The following ZNF566 variants were observed in gnomAD, a reference collection of about 807,000 sequenced individuals.
ZNF566 encodes zinc finger protein 566.
In ZNF566, 27 loss-of-function variants were observed where a neutral mutation model predicts 32.8. The ratio of observed to expected loss-of-function variants is 0.82; its 90% CI spans 0.61 to 1.14. ZNF566 has a LOEUF of 1.14. Ranked by LOEUF, ZNF566 falls within the 50% of genes most tolerant of loss-of-function variation. The pLI, the probability that ZNF566 is intolerant of heterozygous loss-of-function variation, is 0.00. For missense variants in ZNF566, 402 were observed against 490.4 expected (o/e 0.82, Z 1.70); for synonymous variants, 154 against 159.5 (o/e 0.97, Z 0.26).
rs750272831 is a variant in ZNF566 at position 36,449,306 on chromosome 19, GT to G, written c.927del (p.Lys309AsnfsTer139). The G allele has an allele frequency of 1.9e-5, 30 of 1,614,036 alleles. No individual in the cohort carries two copies. Among genetic ancestry groups the G allele is most frequent in the Non-Finnish European group, 2.2e-5 (26 of 1,180,022 alleles). ...TQHQRIHTGE[K>X]PYECKECGNA... is the part of the protein sequence containing the mutation. The stretch of plus-strand genomic sequence containing the variant: ...TTGCCACATTCCTTACATTCATAGG[GT>G]TTTTCCCCAGTATGAATTCTCTGAT... On this transcript the variant is annotated frameshift_variant, in exon 5 of 5. Transcript: ENST00000452939. LOFTEE classifies it high-confidence loss of function.
intron 1 of ZNF566, among the ~76,000 whole-genome samples, chr19:36,478,418 T>C (rs1251953015): frequency 6.6e-6 from 1 of 152,104 alleles, no homozygotes; most frequent in Non-Finnish European, 1.5e-5. Context: ...CCTCCTGGCC[T>C]TCCTCTGGTT....
intron 4 of ZNF566, among the ~76,000 whole-genome samples, chr19:36,467,884 T>C (rs1218255080): frequency 2.0e-5 from 3 of 149,582 alleles, no homozygotes; most frequent in Non-Finnish European, 4.4e-5. Flanking sequence ...CACTCACTAA[T>C]TGATAAAAAT....
intron 1 of ZNF566, among the ~76,000 whole-genome samples, chr19:36,482,205 AC>A (rs1391290906): frequency 1.3e-5 from 2 of 152,140 alleles, no homozygotes; most frequent in African/African-American, 4.8e-5. Flanking sequence ...TCCCAGGTTC[AC>A]GCCATTCTCC....
intron 4 of ZNF566, among the ~76,000 whole-genome samples, chr19:36,464,018 A>C (rs1236015598): frequency 6.6e-6 from 1 of 151,958 alleles, no homozygotes; most frequent in African/African-American, 2.4e-5. Context: ...GAGCCACCAC[A>C]CCCGGCCAAA....
intron 4 of ZNF566, among the ~76,000 whole-genome samples, chr19:36,457,219 C>T (rs1436978905): frequency 4.6e-5 from 7 of 152,128 alleles, no homozygotes; most frequent in Non-Finnish European, 1.0e-4. Flanking sequence ...AAATTGAATT[C>T]CTATTGCATA....
At chr19:36,489,446 C>T in intron 1 of ZNF566, 40 bp downstream of exon 1, 1 of 301,220 alleles carries the variant, frequency 3.3e-6, no homozygotes, top group African/African-American at 2.2e-5. Flanking sequence ...GCTTGGCCCC[C>T]GGCCCCGCCC....
At chr19:36,476,748 C>T in intron 1 of ZNF566, 132 bp from the exon 2 acceptor site, 1 of 662,848 alleles carries the variant, frequency 1.5e-6, no homozygotes, top group Non-Finnish European at 2.5e-6. Flanking sequence ...GCAAATGTCT[C>T]TATCATCCCT....
rs1309855903 is a variant in ZNF566, at chr19:36,449,685, G to A, written c.549C>T (p.Gly183=). 1 of 1,614,062 alleles carries A rather than the reference G, an allele frequency of 6.2e-7. No individual in the cohort carries two copies. Among genetic ancestry groups the A allele is most frequent in the Non-Finnish European group, 8.5e-7 (1 of 1,180,006 alleles). The part of the protein sequence containing the change: ...SKEYRKTFRH[G]SQFATHEIIH... ...TTATCTCATGTGTAGCAAACTGTGA[G>A]CCATGTCTAAAGGTTTTCCTATATT... The change falls in exon 5 of 5, where the codon GGC becomes GGT. Residue 183 remains glycine (G), a synonymous_variant. Coordinates refer to ENST00000452939, the MANE Select transcript of ZNF566 (RefSeq NM_001145344.1).
intron 4 of ZNF566, among the ~76,000 whole-genome samples, chr19:36,458,018 A>G (rs556733274): frequency 2.0e-5 from 3 of 152,350 alleles, no homozygotes; most frequent in African/African-American, 4.8e-5. Context: ...TGTTGGTGGC[A>G]TAAATTGAAA....
At chr19:36,453,513 T>C (rs7248252) in intron 4 of ZNF566, among the ~76,000 whole-genome samples, 1 of 98,058 alleles carries the variant, frequency 1.0e-5, no homozygotes, top group Non-Finnish European at 2.2e-5. Context: ...ATAAATTAAT[T>C]AATTAAAATA....
At chr19:36,457,394 G>C (rs2033343586) in intron 4 of ZNF566, among the ~76,000 whole-genome samples, 2 of 151,934 alleles carry the variant, frequency 1.3e-5, no homozygotes, top group Admixed American at 1.3e-4. Flanking sequence ...CCACAGAGTG[G>C]GATAAAATAT....
chr19:36,453,424 G>C (rs2033214068), intron 4 of ZNF566, among the ~76,000 whole-genome samples: 2 of 149,040 alleles, frequency 1.3e-5, no homozygotes, highest in South Asian at 4.2e-4. Context: ...AGTGAGCCGA[G>C]ATCGCGCCAC....
chr19:36,459,804 C>G (rs1406019571), intron 4 of ZNF566, among the ~76,000 whole-genome samples: 2 of 148,572 alleles, frequency 1.3e-5, no homozygotes, highest in Non-Finnish European at 3.0e-5. Context: ...AGCCACCGCG[C>G]CTGGCCACCT....
chr19:36,469,922 G>GA (rs11388525), intron 4 of ZNF566, among the ~76,000 whole-genome samples: 27,633 of 147,592 alleles, frequency 0.19, 2,711 homozygotes, highest in Non-Finnish European at 0.24. Context: ...TGCACTAAAA[G>GA]AAAAAAAAAA....
At position 36,476,538 on chromosome 19, in the gene ZNF566, C is replaced by T. The variant is rs779591057; in HGVS notation, c.9+11G>A. The T allele has an allele frequency of 1.9e-6, 3 of 1,611,760 alleles. No individual in the cohort carries two copies. The highest frequency in any genetic ancestry group is 2.5e-6 in the Non-Finnish European group (3 of 1,178,400). On this transcript the variant is annotated intron_variant, in intron 2 of 4. Transcript: ENST00000452939. ...ATCACTCTATCTGAGCAAAAGGAAA[C>T]AGTATCTCACCTGAGCCATGGCTCT...
intron 1 of ZNF566, among the ~76,000 whole-genome samples, chr19:36,478,755 C>G (rs987696782): frequency 8.5e-5 from 13 of 152,152 alleles, no homozygotes; most frequent in Admixed American, 8.5e-4. Context: ...CTGGGTATGC[C>G]TAGAATGCAA....
At chr19:36,485,284 A>AAG (rs1555775781) in intron 1 of ZNF566, among the ~76,000 whole-genome samples, 3 of 150,618 alleles carry the variant, frequency 2.0e-5, no homozygotes, top group African/African-American at 7.3e-5. Flanking sequence ...AAAAAAAAAA[A>AAG]AAAAGAAAAT....
Position 36,476,542 on chromosome 19 carries a change from A to G in ZNF566, c.9+7T>C, listed in dbSNP as rs748928740. ...CTCTATCTGAGCAAAAGGAAACAGT[A>G]TCTCACCTGAGCCATGGCTCTGATA... On this transcript the variant is annotated splice_region_variant and intron_variant, in intron 2 of 4. Transcript: ENST00000452939. 11 of 1,612,650 alleles carry G rather than the reference A, an allele frequency of 6.8e-6. No homozygotes were observed. The East Asian group carries it at 2.2e-4, about 33-fold the overall frequency.
In ZNF566 at chr19:36,476,591, G is replaced by C. The variant is rs769737823; in HGVS notation, c.-34C>G. ...TATTTGTAGAAAAGGACCTTCTCTT[G>C]GCTCTTCTTTTGGAGAAGGGTAGAG... On this transcript the variant is annotated 5_prime_UTR_variant, in exon 2 of 5. Coordinates refer to ENST00000452939, the MANE Select transcript of ZNF566 (RefSeq NM_001145344.1). 6.2e-7 allele frequency: 1 copy of C among 1,613,196 alleles called. No individual in the cohort carries two copies. The highest frequency in any genetic ancestry group is 8.5e-7 in the Non-Finnish European group (1 of 1,179,628).
Sources: gnomAD v4.1 joint callset for allele counts (sites outside exome capture counted in the v4.1 genomes callset) on GRCh38, gnomAD v4.1.1 for gene constraint, MANE v1.5 for transcripts, NCBI Gene and HGNC (gene_info 2026-07-23, HGNC 2026-07-21) for gene names.